SIPA1L1: variants seen among roughly 807,000 people sequenced by gnomAD.
SIPA1L1 encodes signal induced proliferation associated 1 like 1, also known as signal-induced proliferation-associated 1-like protein 1.
SIPA1L1 carries 26 observed loss-of-function variants against 162.7 expected under a neutral mutation model. The ratio of observed to expected loss-of-function variants is 0.16; its 90% CI spans 0.12 to 0.22. The LOEUF (loss-of-function observed/expected upper bound fraction) is 0.22. Ranked by LOEUF, SIPA1L1 falls within the 10% of genes least tolerant of loss-of-function variation. The pLI, the probability that SIPA1L1 is intolerant of heterozygous loss-of-function variation, is 1.00. For synonymous variants in SIPA1L1, 829 were observed against 837.4 expected (o/e 0.99, Z 0.17); for missense variants, 1,874 against 2,241.0 (o/e 0.84, Z 3.31).
chr14:71,423,482 CATTT>C lies in SIPA1L1; in HGVS notation c.-464-89260_-464-89257del, dbSNP rs374865374. Among the ~76,000 whole-genome samples the C allele has an allele frequency of 5.9e-4, 90 of 152,192 alleles. No homozygotes were observed. The East Asian group carries it at 0.017, about 28-fold the overall frequency. ...AGGTCTTACATTTAAGTTTTTCATT[CATTT>C]GAGTTAATTTTTGTAAGTAGTATTC... On this transcript the variant is annotated intron_variant, in intron 2 of 23. Coordinates refer to ENST00000381232, the MANE Select transcript of SIPA1L1 (RefSeq NM_001386936.1).
chr14:71,503,554 A>G (rs1014945527), intron 2 of SIPA1L1, among the ~76,000 whole-genome samples: 1 of 152,196 alleles, frequency 6.6e-6, no homozygotes, highest in Non-Finnish European at 1.5e-5. Context: ...GATTATGGTA[A>G]TTGCCAAAGG....
intron 14 of SIPA1L1, among the ~76,000 whole-genome samples, chr14:71,700,500 T>G (rs190289853): frequency 2.6e-5 from 4 of 152,324 alleles, no homozygotes; most frequent in Non-Finnish European, 5.9e-5. Flanking sequence ...CAAGGACCCT[T>G]AGGGAGGAGA....
intron 13 of SIPA1L1, among the ~76,000 whole-genome samples, chr14:71,693,316 C>T (rs1367827354): frequency 6.6e-6 from 1 of 152,116 alleles, no homozygotes; most frequent in Non-Finnish European, 1.5e-5. Flanking sequence ...GCTTGGCCAA[C>T]ATGGCGAAAG....
intron 2 of SIPA1L1, among the ~76,000 whole-genome samples, chr14:71,482,531 C>G (rs1375446720): frequency 2.0e-5 from 3 of 152,188 alleles, no homozygotes; most frequent in African/African-American, 7.2e-5. Context: ...TGTTGCCACT[C>G]TTTCCCTGAG....
At chr14:71,354,112 A>T (rs1189784118) in intron 2 of SIPA1L1, among the ~76,000 whole-genome samples, 2 of 152,016 alleles carry the variant, frequency 1.3e-5, no homozygotes, top group East Asian at 3.9e-4. Context: ...AGCTTTGAGA[A>T]TCACTGATTT....
At chr14:71,469,098 A>G (rs1404769161) in intron 2 of SIPA1L1, among the ~76,000 whole-genome samples, 1 of 151,550 alleles carries the variant, frequency 6.6e-6, no homozygotes, top group Non-Finnish European at 1.5e-5. Context: ...CTTAACCTCA[A>G]CCTCTCTGAG....
chr14:71,429,060 G>A (rs964361243), intron 2 of SIPA1L1, among the ~76,000 whole-genome samples: 20 of 152,288 alleles, frequency 1.3e-4, no homozygotes, highest in Middle Eastern at 3.4e-3. Context: ...GCTACTCTGT[G>A]ATCATCCCAG....
chr14:71,384,483 G>A (rs2040160930), intron 2 of SIPA1L1, among the ~76,000 whole-genome samples: 1 of 152,134 alleles, frequency 6.6e-6, no homozygotes, highest in East Asian at 1.9e-4. Flanking sequence ...CGACACCGCC[G>A]CCTTGAAACT....
chr14:71,657,412 T>C (rs1478670932), intron 8 of SIPA1L1, among the ~76,000 whole-genome samples: 2 of 152,088 alleles, frequency 1.3e-5, no homozygotes, highest in Non-Finnish European at 2.9e-5. Flanking sequence ...AATGTACTTC[T>C]GTTCCTTTTG....
chr14:71,365,653 C>A (rs1269107403), intron 2 of SIPA1L1, among the ~76,000 whole-genome samples: 1 of 151,792 alleles, frequency 6.6e-6, no homozygotes, highest in Admixed American at 6.6e-5. Context: ...TTATTGCATT[C>A]TTCCTTCAAC....
At chr14:71,700,367 A>C (rs1006695105) in intron 14 of SIPA1L1, among the ~76,000 whole-genome samples, 6 of 152,242 alleles carry the variant, frequency 3.9e-5, no homozygotes, top group Non-Finnish European at 5.9e-5. Context: ...TCTCTTAAAA[A>C]ATAAAAAAGT....
At chr14:71,533,230 T>A (rs1448717816) in intron 4 of SIPA1L1, among the ~76,000 whole-genome samples, 1 of 152,262 alleles carries the variant, frequency 6.6e-6, no homozygotes, top group African/African-American at 2.4e-5. Context: ...AAAAGTTTTC[T>A]TACTTTGTCT....
At chr14:71,510,882 A>G (rs76854892) in intron 2 of SIPA1L1, among the ~76,000 whole-genome samples, 3,349 of 152,168 alleles carry the variant, frequency 0.022, 120 homozygotes, top group African/African-American at 0.076. Flanking sequence ...GTGGCATTCC[A>G]TTTCACTTTG....
At chr14:71,550,499 A>G (rs1388487180) in intron 4 of SIPA1L1, among the ~76,000 whole-genome samples, 2 of 152,106 alleles carry the variant, frequency 1.3e-5, no homozygotes, top group African/African-American at 4.8e-5. Flanking sequence ...CAAAACATGG[A>G]GTTCAAGTCT....
At chr14:71,572,142 A>G (rs2032186719) in intron 4 of SIPA1L1, among the ~76,000 whole-genome samples, 2 of 151,826 alleles carry the variant, frequency 1.3e-5, no homozygotes, top group South Asian at 4.2e-4. Context: ...TACCAGTTCT[A>G]CTCCCATGAT....
intron 2 of SIPA1L1, among the ~76,000 whole-genome samples, chr14:71,364,605 G>A (rs1458615225): frequency 6.6e-6 from 1 of 152,072 alleles, no homozygotes; most frequent in Non-Finnish European, 1.5e-5. Context: ...GGATATTTGG[G>A]TTGTTTCTAA....
At chr14:71,723,508 GC>G in intron 17 of SIPA1L1, 138 bp from the exon 18 acceptor site, 1 of 893,734 alleles carries the variant, frequency 1.1e-6, no homozygotes, top group Non-Finnish European at 1.7e-6. Flanking sequence ...AGCCAGGAAG[GC>G]CAGCCAGGCA....
rs537866840 is a variant in SIPA1L1 at position 71,457,718 on chromosome 14, C to T, written c.-464-55025C>T. 2.1e-3 allele frequency among the ~76,000 whole-genome samples: 325 copies of T among 152,248 alleles called. 1 individual carries two copies. The highest frequency in any genetic ancestry group is 0.01 in the Middle Eastern group (3 of 294). ...CAATCAATTCTCCTGCCTTAGCCTC[C>T]TAAGTAGCTGGGATTACAGGTGCAT... On this transcript the variant is annotated intron_variant, in intron 2 of 23. Transcript: ENST00000381232.
chr14:71,430,459 T>G (rs1048636691), intron 2 of SIPA1L1, among the ~76,000 whole-genome samples: 7 of 152,194 alleles, frequency 4.6e-5, no homozygotes, highest in African/African-American at 1.7e-4. Context: ...TAGCTGGAGA[T>G]CTCATCAGTA....
Sources: gnomAD v4.1 joint callset for allele counts (sites outside exome capture counted in the v4.1 genomes callset) on GRCh38, gnomAD v4.1.1 for gene constraint, MANE v1.5 for transcripts, NCBI Gene and HGNC (gene_info 2026-07-23, HGNC 2026-07-21) for gene names.